The following ACOXL variants were observed in gnomAD, a reference collection of about 807,000 sequenced individuals.
The protein encoded by ACOXL is acyl-coenzyme A oxidase-like protein.
Under a neutral mutation model 71.9 loss-of-function variants are expected in ACOXL, and 70 were observed. The observed-to-expected ratio is 0.97, with a 90% CI of 0.80 to 1.19. The LOEUF (loss-of-function observed/expected upper bound fraction) is 1.19. Among genes scored for constraint, ACOXL ranks in the 50% most tolerant of loss-of-function variants. ACOXL has a pLI of 0.00. For missense variants in ACOXL, 703 were observed against 736.3 expected (o/e 0.95, Z 0.52); for synonymous variants, 253 against 281.6 (o/e 0.90, Z 1.02).
At position 110,978,326 on chromosome 2, in the gene ACOXL, C is replaced by T. The variant is rs573596962; in HGVS notation, c.1060-8782C>T. ...AAGCCCTTTTCTAAAGGCACCTAAT[C>T]GCATCCACAAGGGAGGAGCCCTCAT... On this transcript the variant is annotated intron_variant, in intron 12 of 17. Transcript: ENST00000439055. 2.6e-5 allele frequency among the ~76,000 whole-genome samples: 4 copies of T among 152,298 alleles called. No homozygotes were observed. In the South Asian group the frequency reaches 8.3e-4, roughly 32 times the overall value.
intron 1 of ACOXL, among the ~76,000 whole-genome samples, chr2:110,761,410 A>G (rs1457683612): frequency 6.6e-6 from 1 of 152,186 alleles, no homozygotes; most frequent in Non-Finnish European, 1.5e-5. Flanking sequence ...TGATTATGGA[A>G]GTTACCTTCT....
At chr2:111,030,799 G>A (rs1039439352) in intron 14 of ACOXL, among the ~76,000 whole-genome samples, 3 of 151,948 alleles carry the variant, frequency 2.0e-5, no homozygotes, top group Non-Finnish European at 2.9e-5. Flanking sequence ...AAGTCAAGAA[G>A]GAACAAAGAA....
chr2:110,902,023 C>T (rs773336775), intron 10 of ACOXL, among the ~76,000 whole-genome samples: 7 of 147,958 alleles, frequency 4.7e-5, no homozygotes, highest in East Asian at 2.0e-4. Context: ...TGACAGAGTA[C>T]GATTCTGTCA....
intron 16 of ACOXL, among the ~76,000 whole-genome samples, chr2:111,055,055 C>T (rs1383298024): frequency 1.3e-5 from 2 of 152,186 alleles, no homozygotes; most frequent in Non-Finnish European, 2.9e-5. Flanking sequence ...ATTCTTTCTG[C>T]TTCACTTCTT....
intron 14 of ACOXL, among the ~76,000 whole-genome samples, chr2:111,021,649 A>G (rs969928000): frequency 6.6e-6 from 1 of 152,014 alleles, no homozygotes; most frequent in African/African-American, 2.4e-5. Flanking sequence ...AGAGGGGAGG[A>G]CCCTCTTCCC....
intron 1 of ACOXL, among the ~76,000 whole-genome samples, chr2:110,762,236 T>TAG (rs1487442549): frequency 2.0e-5 from 3 of 152,202 alleles, no homozygotes; most frequent in Non-Finnish European, 4.4e-5. Flanking sequence ...TATGTCACTA[T>TAG]ATCTGAAATG....
chr2:111,003,186 G>A (rs1456271189), intron 14 of ACOXL, among the ~76,000 whole-genome samples: 1 of 152,106 alleles, frequency 6.6e-6, no homozygotes, highest in African/African-American at 2.4e-5. Flanking sequence ...ACACACACAT[G>A]AGTAAGTTTC....
At chr2:110,993,114 G>A (rs984831785) in intron 13 of ACOXL, among the ~76,000 whole-genome samples, 8 of 152,130 alleles carry the variant, frequency 5.3e-5, no homozygotes, top group Non-Finnish European at 7.3e-5. Flanking sequence ...TAGCATGAGC[G>A]TCATTAACTA....
At chr2:110,815,849 T>C (rs989467187) in intron 9 of ACOXL, among the ~76,000 whole-genome samples, 9 of 152,142 alleles carry the variant, frequency 5.9e-5, no homozygotes, top group African/African-American at 2.2e-4. Context: ...TTGCTTGGGG[T>C]GCCTCACCTG....
intron 11 of ACOXL, among the ~76,000 whole-genome samples, chr2:110,922,572 C>T (rs74536699): frequency 0.022 from 3,273 of 152,204 alleles, 140 homozygotes; most frequent in African/African-American, 0.076. Flanking sequence ...TGTCATATAT[C>T]TATGATAAAA....
At chr2:110,836,437 G>T (rs564932866) in intron 9 of ACOXL, among the ~76,000 whole-genome samples, 2 of 151,806 alleles carry the variant, frequency 1.3e-5, no homozygotes, top group East Asian at 3.9e-4. Flanking sequence ...GTGTGTCCAT[G>T]GCTCTCTTTG....
intron 13 of ACOXL, among the ~76,000 whole-genome samples, chr2:110,991,707 G>A (rs2063182065): frequency 6.6e-6 from 1 of 151,562 alleles, no homozygotes; most frequent in Non-Finnish European, 1.5e-5. Context: ...TTTTATTGCT[G>A]CTCAGGACCC....
At chr2:111,054,911 G>A (rs988473681) in intron 16 of ACOXL, among the ~76,000 whole-genome samples, 18 of 152,104 alleles carry the variant, frequency 1.2e-4, no homozygotes, top group African/African-American at 4.1e-4. Flanking sequence ...CCCTCAGCTT[G>A]GGAATGACTG....
At chr2:110,893,306 A>G (rs929222977) in intron 10 of ACOXL, among the ~76,000 whole-genome samples, 4 of 152,160 alleles carry the variant, frequency 2.6e-5, no homozygotes, top group Non-Finnish European at 4.4e-5. Flanking sequence ...AGGGCAAGCT[A>G]TGGACGATTT....
At chr2:110,760,713 G>A (rs1222353384) in intron 1 of ACOXL, among the ~76,000 whole-genome samples, 2 of 152,148 alleles carry the variant, frequency 1.3e-5, no homozygotes, top group Non-Finnish European at 1.5e-5. Context: ...TATATCACCC[G>A]CAAGCATGGT....
chr2:111,072,103 G>C (rs1031690950), intron 16 of ACOXL, among the ~76,000 whole-genome samples: 3 of 152,160 alleles, frequency 2.0e-5, no homozygotes, highest in Non-Finnish European at 4.4e-5. Context: ...GAATGCAGCC[G>C]TTTCAGCCTG....
chr2:111,037,067 A>G (rs1395334197), intron 15 of ACOXL: 1 of 152,180 alleles, frequency 6.6e-6, no homozygotes, highest in African/African-American at 2.4e-5. Context: ...AGGTTTAAGA[A>G]CACAGACTGC....
intron 16 of ACOXL, among the ~76,000 whole-genome samples, chr2:111,056,534 A>G (rs1308497250): frequency 6.6e-6 from 1 of 152,070 alleles, no homozygotes; most frequent in East Asian, 1.9e-4. Flanking sequence ...CACGCCTGTA[A>G]TCCCAGCACT....
intron 12 of ACOXL, among the ~76,000 whole-genome samples, chr2:110,955,871 G>C (rs961221272): frequency 2.0e-5 from 3 of 150,868 alleles, no homozygotes; most frequent in African/African-American, 7.3e-5. Flanking sequence ...GGTCTCTCTT[G>C]CTATTTATTT....
Sources: gnomAD v4.1 joint callset for allele counts (sites outside exome capture counted in the v4.1 genomes callset) on GRCh38, gnomAD v4.1.1 for gene constraint, MANE v1.5 for transcripts, NCBI Gene and HGNC (gene_info 2026-07-23, HGNC 2026-07-21) for gene names.